TERT: variants seen among roughly 807,000 people sequenced by gnomAD.
TERT encodes the protein telomerase catalytic subunit.
Under a neutral mutation model 104.0 loss-of-function variants are expected in TERT, and 42 were observed. The ratio of observed to expected loss-of-function variants is 0.40; its 90% CI spans 0.32 to 0.52. The LOEUF is 0.52. Among genes scored for constraint, TERT ranks in the 20% least tolerant of loss-of-function variants. The probability of loss-of-function intolerance (pLI) is 0.43; values close to 1 mark genes in which losing one functional copy is unlikely to be tolerated. For missense variants in TERT, 1,101 were observed against 1,610.3 expected, an observed-to-expected ratio of 0.68 and a Z score of 5.41; for synonymous variants, 781 against 725.6, an observed-to-expected ratio of 1.08 and a Z score of -1.23.
chr5:1,258,161 G>A (rs562613993), intron 13 of TERT, among the ~76,000 whole-genome samples: 9 of 152,312 alleles, frequency 5.9e-5, no homozygotes, highest in Non-Finnish European at 1.3e-4. Flanking sequence ...GCACCTTCCC[G>A]GGGGTGGGGC....
chr5:1,254,115 C>T (rs1453103287), intron 15 of TERT, among the ~76,000 whole-genome samples: 1 of 152,178 alleles, frequency 6.6e-6, no homozygotes, highest in Non-Finnish European at 1.5e-5. Flanking sequence ...GGTCAGAAGG[C>T]TCCCAAGCGT....
Position 1,268,399 on chromosome 5 carries a change from C to T in TERT, c.2582+121G>A. On this transcript the variant is annotated intron_variant, in intron 9 of 15. Coordinates refer to ENST00000310581, the MANE Select transcript of TERT (RefSeq NM_198253.3). This position sits in a 1 kb window ranked among gnomAD's most constrained non-coding sequence, Gnocchi z 5.5. ...CTTCATACCAAGAAGGGGCTGCAAC[C>T]TTGTCTGGTTCCTCAAGACAGAGCA... The T allele has an allele frequency of 1.2e-6, 1 of 800,830 alleles. No individual in the cohort carries two copies. Among genetic ancestry groups the T allele is most frequent in the East Asian group, 2.7e-5 (1 of 36,840 alleles). The allele number at this position is 800,830 out of a possible 1,614,324, so 49.6% of individuals were successfully genotyped here. A position where few individuals can be genotyped will look rare whatever the true frequency, so the allele number is the denominator to read the frequency against.
Position 1,294,183 on chromosome 5 carries a change from G to C in TERT, c.703C>G (p.Pro235Ala). Reference protein sequence around the residue: ...GGSASRSLPLPKRPRRGAAPE... With the variant: ...GGSASRSLPLAKRPRRGAAPE... ...GCAGCGCCACGCCTGGGCCTCTTGG[G>C]CAACGGCAGACTTCGGCTGGCACTG... is the stretch of plus-strand genomic sequence containing the variant. The change falls in exon 2 of 16, where the codon CCC becomes GCC. Residue 235 changes from proline (P) to alanine (A), a missense_variant. By Grantham distance (27) the Pro-to-Ala change is conservative. This residue lies in a region of TERT where 504 missense variants were observed against 544.6 expected (regional missense o/e 0.93). Transcript: ENST00000310581. The C allele has an allele frequency of 1.3e-6, 2 of 1,582,836 alleles. No homozygotes were observed. The highest frequency in any genetic ancestry group is 1.7e-6 in the Non-Finnish European group (2 of 1,168,586).
chr5:1,272,329 C>G (rs1749107271), intron 6 of TERT, 49 bp from the exon 7 acceptor site: 1 of 1,474,384 alleles, frequency 6.8e-7, no homozygotes, highest in East Asian at 2.4e-5. Flanking sequence ...CTGCCCCGGC[C>G]AGAGCTGGGC....
intron 2 of TERT, among the ~76,000 whole-genome samples, chr5:1,285,866 C>T (rs1429542803): frequency 6.6e-6 from 1 of 151,994 alleles, no homozygotes; most frequent in Non-Finnish European, 1.5e-5. Context: ...CCGCGCCCAG[C>T]CTAGAAATTT....
At position 1,270,200 on chromosome 5, in the gene TERT, C is replaced by T. The variant is rs1326271507; in HGVS notation, c.2468+919G>A. ...GTACTACTTAATATTTCTAATTATA[C>T]TTTAATAAATATTATAATTGCTGAT... On this transcript the variant is annotated intron_variant, in intron 8 of 15. Transcript: ENST00000310581. The surrounding 1 kb of genome is among the most constrained non-coding windows in gnomAD (Gnocchi z 8.3). Among the ~76,000 whole-genome samples the T allele has an allele frequency of 1.3e-5, 2 of 152,212 alleles. No individual in the cohort carries two copies. The highest frequency in any genetic ancestry group is 4.1e-4 in the South Asian group (2 of 4,828).
In TERT at chr5:1,294,998, T is replaced by G. The variant is rs894938737; in HGVS notation, c.-9A>C. On this transcript the variant is annotated 5_prime_UTR_variant, in exon 1 of 16. Transcript: ENST00000310581. ...CGGGGAGCGCGCGGCATCGCGGGGGTGGCCGGGGCCAGGGCTTCCCACGTG... is the reference window on the plus strand; with the variant it reads ...CGGGGAGCGCGCGGCATCGCGGGGGGGGCCGGGGCCAGGGCTTCCCACGTG... The G allele has an allele frequency of 7.6e-7, 1 of 1,308,190 alleles. No homozygotes were observed. The highest frequency in any genetic ancestry group is 3.1e-5 in the East Asian group (1 of 32,012). The allele number at this position is 1,308,190 out of a possible 1,614,324, so 81.0% of individuals were successfully genotyped here.
intron 2 of TERT, among the ~76,000 whole-genome samples, chr5:1,291,311 T>C (rs369709640): frequency 1.9e-4 from 5 of 26,728 alleles, no homozygotes; most frequent in Admixed American, 4.2e-4. Context: ...CCAGGGACGG[T>C]GCCTCACTCA....
intron 6 of TERT, 113 bp from the exon 7 acceptor site, chr5:1,272,393 A>G: frequency 2.0e-6 from 2 of 998,898 alleles, no homozygotes; most frequent in East Asian, 2.6e-5. Flanking sequence ...CGATGGCGGG[A>G]TGAAGCCCAG....
In TERT at chr5:1,292,076, G is replaced by A. The variant is rs34253063; in HGVS notation, c.1573+1237C>T. Among the ~76,000 whole-genome samples the A allele has an allele frequency of 5.9e-5, 9 of 152,088 alleles. No homozygotes were observed. Among genetic ancestry groups the A allele is most frequent in the Non-Finnish European group, 1.2e-4 (8 of 68,040 alleles). ...CAATTCTGCACTGTACACAGAAAACGGTGTTAGGAGTGCCAATCTCATGTT... is the reference window on the plus strand; with the variant it reads ...CAATTCTGCACTGTACACAGAAAACAGTGTTAGGAGTGCCAATCTCATGTT... On this transcript the variant is annotated intron_variant, in intron 2 of 15. Coordinates refer to ENST00000310581, the MANE Select transcript of TERT (RefSeq NM_198253.3). This position sits in a 1 kb window ranked among gnomAD's most constrained non-coding sequence, Gnocchi z 5.5.
In TERT at chr5:1,255,332, CAG is replaced by C. The variant is rs1554038257; in HGVS notation, c.3110_3111del (p.Ser1037Ter). 2 of 1,614,214 alleles carry C rather than the reference CAG, an allele frequency of 1.2e-6. No individual in the cohort carries two copies. The highest frequency in any genetic ancestry group is 8.5e-7 in the Non-Finnish European group (1 of 1,180,038). ...KNPTFFLRVI[S>X]DTASLCYSIL... ...ATGGAGTAGCAGAGGGAGGCCGTGT[CAG>C]AGATGACGCGCAGGAAAAATGTGGG... On this transcript the variant is annotated frameshift_variant, in exon 14 of 16. Transcript: ENST00000310581. LOFTEE classifies it high-confidence loss of function. The surrounding 1 kb of genome is among the most constrained non-coding windows in gnomAD (Gnocchi z 6.9).
chr5:1,253,519 C>T lies in TERT; in HGVS notation c.*209G>A. On this transcript the variant is annotated 3_prime_UTR_variant, in exon 16 of 16. Coordinates refer to ENST00000310581, the MANE Select transcript of TERT (RefSeq NM_198253.3). ...GTGAAGACGGCAGGTGTGCTGGACA[C>T]TCAGCCCTTGGCTGGACACTCGCTC... 1.6e-6 allele frequency: 1 copy of T among 607,718 alleles called. No individual in the cohort carries two copies. 37.6% of individuals were successfully genotyped at this position (607,718 alleles called of 1,614,324 possible).
chr5:1,291,288 C>G (rs1279425300), intron 2 of TERT, among the ~76,000 whole-genome samples: 9 of 54,560 alleles, frequency 1.6e-4, no homozygotes, highest in Non-Finnish European at 2.0e-4. Flanking sequence ...CACCCTACAC[C>G]TGGGAGGGAC....
rs549120538 is a variant in TERT at position 1,262,232 on chromosome 5, G to T, written c.2844-1632C>A. On this transcript the variant is annotated intron_variant, in intron 11 of 15. Transcript: ENST00000310581. This position sits in a 1 kb window ranked among gnomAD's most constrained non-coding sequence, Gnocchi z 5.6. ...TATGCTGTAAAGACACAACTTATTT[G>T]CTTCCAGTCAGTTTTCTCAGAAAAA... Among the ~76,000 whole-genome samples, 1 of 152,018 alleles carries T rather than the reference G, an allele frequency of 6.6e-6. No homozygotes were observed. The highest frequency in any genetic ancestry group is 2.4e-5 in the African/African-American group (1 of 41,444).
In TERT at chr5:1,258,670, CAAGA is replaced by C. The variant is rs1747936453; in HGVS notation, c.2971-15_2971-12del. 1 of 1,562,444 alleles carries C rather than the reference CAAGA, an allele frequency of 6.4e-7. No individual in the cohort carries two copies. The highest frequency in any genetic ancestry group is 8.7e-7 in the Non-Finnish European group (1 of 1,152,424). ...CTGGAGGCTGTTCACCTAGAGTCGC[CAAGA>C]AAGAGTGAGAAACGGTAGAAACCTC... On this transcript the variant is annotated splice_polypyrimidine_tract_variant and intron_variant, in intron 12 of 15. Transcript: ENST00000310581.
chr5:1,276,376 TCCCCAC>T (rs1248879203), intron 6 of TERT, among the ~76,000 whole-genome samples: 1 of 113,016 alleles, frequency 8.8e-6, no homozygotes. Context: ...AATTCACAGA[TCCCCAC>T]CTACCCCACG....
chr5:1,274,974 G>C lies in TERT; in HGVS notation c.2287-2694C>G, dbSNP rs955017302. 7.9e-5 allele frequency among the ~76,000 whole-genome samples: 12 copies of C among 152,338 alleles called. No homozygotes were observed. The highest frequency in any genetic ancestry group is 7.2e-4 in the Admixed American group (11 of 15,304). Reference sequence around the variant, plus strand: ...CACACGTGAAACTCTTCTGTGAAGAGAGTCATGAAATGGAAAGACCCCTAG... The same window carrying C: ...CACACGTGAAACTCTTCTGTGAAGACAGTCATGAAATGGAAAGACCCCTAG... On this transcript the variant is annotated intron_variant, in intron 6 of 15. Coordinates refer to ENST00000310581, the MANE Select transcript of TERT (RefSeq NM_198253.3). This position sits in a 1 kb window ranked among gnomAD's most constrained non-coding sequence, Gnocchi z 5.3.
At position 1,294,785 on chromosome 5, in the gene TERT, G is replaced by T; in HGVS notation, c.205C>A (p.Pro69Thr). The change falls in exon 1 of 16, where the codon CCC (proline) becomes ACC (threonine). Residue 69 changes from proline (P) to threonine (T), a missense_variant. Pro to Thr is a conservative substitution (Grantham distance 38). Around this residue, in one of 5 missense-constraint regions of TERT, gnomAD observed 87 missense variants for 145.4 expected, o/e 0.60. Coordinates refer to ENST00000310581, the MANE Select transcript of TERT (RefSeq NM_198253.3). Reference protein sequence around the residue: ...PWDARPPPAAPSFRQVSCLKE... With the variant: ...PWDARPPPAATSFRQVSCLKE... ...GGGAGGCCCACCTGGCGGAAGGAGG[G>T]GGCGGCGGGGGGCGGCCGTGCGTCC... The T allele has an allele frequency of 6.5e-7, 1 of 1,528,560 alleles. No homozygotes were observed. The highest frequency in any genetic ancestry group is 1.4e-5 in the African/African-American group (1 of 71,304). The allele number at this position is 1,528,560 out of a possible 1,614,324, so 94.7% of individuals were successfully genotyped here.
At chr5:1,266,669 A>G in intron 9 of TERT, 134 bp from the exon 10 acceptor site, 1 of 811,946 alleles carries the variant, frequency 1.2e-6, no homozygotes, top group Admixed American at 2.0e-5. Context: ...TAAATGAAAA[A>G]CTTAAATTTC....
Sources: allele counts gnomAD v4.1 joint callset (sites outside exome capture counted in the v4.1 genomes callset), GRCh38; gene constraint gnomAD v4.1.1; regional missense constraint gnomAD v4.1.1; non-coding constraint Gnocchi (gnomAD v3.1); transcripts MANE v1.5; gene names NCBI Gene and HGNC (gene_info 2026-07-23, HGNC 2026-07-21).